The following PAPSS1 variants were observed in gnomAD, a reference collection of about 807,000 sequenced individuals.
PAPSS1 encodes the protein 3'-phosphoadenosine 5'-phosphosulfate synthase 1.
A neutral mutation model predicts 72.0 loss-of-function variants in PAPSS1; 50 were observed. That is an observed-to-expected ratio of 0.69 (90% CI 0.55 to 0.88). The LOEUF (loss-of-function observed/expected upper bound fraction) is 0.88, where lower values mean the gene tolerates loss of function less well. Ranked by LOEUF, PAPSS1 falls within the 40% of genes least tolerant of loss-of-function variation. The probability of loss-of-function intolerance (pLI) is 0.00; values close to 1 mark genes in which losing one functional copy is unlikely to be tolerated. For synonymous variants in PAPSS1, 261 were observed against 263.6 expected, an observed-to-expected ratio of 0.99 and a Z score of 0.09; for missense variants, 657 against 782.2, an observed-to-expected ratio of 0.84 and a Z score of 1.91.
chr4:107,616,161 A>G (rs1464138625), intron 11 of PAPSS1, among the ~76,000 whole-genome samples: 1 of 152,172 alleles, frequency 6.6e-6, no homozygotes, highest in African/African-American at 2.4e-5. Context: ...AAAAAAAAGA[A>G]GAAATATGCC....
At chr4:107,677,540 G>A (rs7377104) in intron 5 of PAPSS1, among the ~76,000 whole-genome samples, 27,809 of 151,982 alleles carry the variant, frequency 0.18, 2,918 homozygotes, top group East Asian at 0.37. Context: ...GAAACAACAG[G>A]TGCTGGAGAG....
intron 3 of PAPSS1, among the ~76,000 whole-genome samples, chr4:107,687,704 T>C (rs991118858): frequency 3.9e-5 from 6 of 152,198 alleles, no homozygotes; most frequent in African/African-American, 1.4e-4. Context: ...TGCAGCTCCC[T>C]CTAAGCCCTC....
chr4:107,665,042 A>G (rs1727280129), intron 5 of PAPSS1, among the ~76,000 whole-genome samples: 1 of 152,222 alleles, frequency 6.6e-6, no homozygotes, highest in African/African-American at 2.4e-5. Context: ...CAAAATAAAC[A>G]TTCGAAAGGT....
chr4:107,690,557 T>C (rs1157217954), intron 3 of PAPSS1, among the ~76,000 whole-genome samples: 3 of 152,122 alleles, frequency 2.0e-5, no homozygotes, highest in African/African-American at 7.2e-5. Context: ...ACCAACTCCT[T>C]CAGAATAGGA....
At chr4:107,630,419 T>C (rs190115939) in intron 11 of PAPSS1, among the ~76,000 whole-genome samples, 87 of 152,290 alleles carry the variant, frequency 5.7e-4, no homozygotes, top group African/African-American at 2.0e-3. Flanking sequence ...GTTTACAAGA[T>C]AGTGAGTTCT....
rs1723001578 is a variant in PAPSS1, at chr4:107,693,810, G to A, written c.372C>T (p.Gly124=). 2.5e-6 allele frequency: 4 copies of A among 1,613,794 alleles called. No homozygotes were observed. Among genetic ancestry groups the A allele is most frequent in the Non-Finnish European group, 2.5e-6 (3 of 1,179,808 alleles). ...ATATGAAACTTGTGATGCACACTAAGCCAGCATCTGCAAACAGTTTAGCAA... is the reference window on the plus strand; with the variant it reads ...ATATGAAACTTGTGATGCACACTAAACCAGCATCTGCAAACAGTTTAGCAA... ...AEVAKLFADA[G]LVCITSFISP... The change falls in exon 3 of 12, where the codon GGC becomes GGT. Residue 124 remains glycine (G), a synonymous_variant. Transcript: ENST00000265174.
At chr4:107,653,666 C>A in intron 8 of PAPSS1, 40 bp from the exon 9 acceptor site, 1 of 1,573,058 alleles carries the variant, frequency 6.4e-7, no homozygotes, top group South Asian at 1.1e-5. Context: ...AAACCGAGAT[C>A]AAAATAAGTA....
chr4:107,709,656 G>C (rs1038926071), intron 1 of PAPSS1, among the ~76,000 whole-genome samples: 1 of 152,144 alleles, frequency 6.6e-6, no homozygotes, highest in East Asian at 1.9e-4. Flanking sequence ...TCAGGTTTTT[G>C]CATTTCTGAC....
intron 3 of PAPSS1, among the ~76,000 whole-genome samples, chr4:107,688,062 T>C (rs1042579930): frequency 2.6e-5 from 4 of 152,000 alleles, no homozygotes; most frequent in Non-Finnish European, 4.4e-5. Flanking sequence ...TACAAATTTA[T>C]CTACATACTA....
At position 107,662,472 on chromosome 4, in the gene PAPSS1, T is replaced by A. The variant is rs190162068; in HGVS notation, c.670-2400A>T. Among the ~76,000 whole-genome samples the A allele has an allele frequency of 6.6e-5, 10 of 152,272 alleles. No individual in the cohort carries two copies. The East Asian group carries it at 1.5e-3, about 23-fold the overall frequency. On this transcript the variant is annotated intron_variant, in intron 5 of 11. Coordinates refer to ENST00000265174, the MANE Select transcript of PAPSS1 (RefSeq NM_005443.5). ...TATGTTCTCTCTGTAGATGCACTAA[T>A]GGGGCAGATTATTTCTAATGAACCC...
chr4:107,662,564 G>C (rs1328734420), intron 5 of PAPSS1, among the ~76,000 whole-genome samples: 1 of 148,594 alleles, frequency 6.7e-6, no homozygotes, highest in African/African-American at 2.5e-5. Flanking sequence ...AATATACATA[G>C]TTTATACATA....
intron 5 of PAPSS1, among the ~76,000 whole-genome samples, chr4:107,672,679 C>A (rs927679608): frequency 2.0e-5 from 3 of 152,238 alleles, no homozygotes; most frequent in Admixed American, 6.5e-5. Flanking sequence ...GAAACCTCTG[C>A]AGACTTAAAC....
chr4:107,677,976 A>T (rs1727701530), intron 5 of PAPSS1, among the ~76,000 whole-genome samples: 1 of 152,204 alleles, frequency 6.6e-6, no homozygotes, highest in African/African-American at 2.4e-5. Context: ...CATAGGTGGG[A>T]ATTGAACAAT....
At chr4:107,675,076 A>G (rs1348632755) in intron 5 of PAPSS1, among the ~76,000 whole-genome samples, 1 of 152,224 alleles carries the variant, frequency 6.6e-6, no homozygotes, top group Non-Finnish European at 1.5e-5. Flanking sequence ...CCACAAGGAA[A>G]AGCAGGAAAG....
intron 6 of PAPSS1, among the ~76,000 whole-genome samples, chr4:107,659,274 T>C (rs1221759629): frequency 6.6e-6 from 1 of 152,108 alleles, no homozygotes; most frequent in Admixed American, 6.6e-5. Context: ...AGCCTAGAAG[T>C]TTTGTTTTGT....
At chr4:107,713,364 T>C (rs1416795556) in intron 1 of PAPSS1, among the ~76,000 whole-genome samples, 1 of 152,116 alleles carries the variant, frequency 6.6e-6, no homozygotes, top group African/African-American at 2.4e-5. Context: ...CTAATGGGTA[T>C]AAGGTTTCTT....
At chr4:107,673,058 T>G (rs1727534760) in intron 5 of PAPSS1, among the ~76,000 whole-genome samples, 1 of 152,126 alleles carries the variant, frequency 6.6e-6, no homozygotes, top group African/African-American at 2.4e-5. Flanking sequence ...AAACCCCATC[T>G]GTACGTCACC....
At chr4:107,664,097 C>T (rs1727256230) in intron 5 of PAPSS1, among the ~76,000 whole-genome samples, 1 of 152,144 alleles carries the variant, frequency 6.6e-6, no homozygotes, top group African/African-American at 2.4e-5. Flanking sequence ...TCATGAGCCT[C>T]CATTTCCAAT....
At chr4:107,713,502 G>A (rs749119570) in intron 1 of PAPSS1, among the ~76,000 whole-genome samples, 2 of 152,120 alleles carry the variant, frequency 1.3e-5, no homozygotes, top group Non-Finnish European at 2.9e-5. Flanking sequence ...ACCCACGCCT[G>A]TAATCCCAGC....
Sources: gnomAD v4.1 joint callset for allele counts (sites outside exome capture counted in the v4.1 genomes callset) on GRCh38, gnomAD v4.1.1 for gene constraint, MANE v1.5 for transcripts, NCBI Gene and HGNC (gene_info 2026-07-23, HGNC 2026-07-21) for gene names.